TARBP1: variants seen among roughly 807,000 people sequenced by gnomAD.
TARBP1 encodes the protein tRNA guanosine 2 -O-methyltransferase TARBP1, also known as tRNA (guanosine(18)-2'-O)-methyltransferase TARBP1.
In TARBP1, 144 loss-of-function variants were observed where a neutral mutation model predicts 178.6. That is an observed-to-expected ratio of 0.81 (90% CI 0.70 to 0.93). The LOEUF (loss-of-function observed/expected upper bound fraction) is 0.93. Ranked by LOEUF, TARBP1 falls within the 40% of genes least tolerant of loss-of-function variation. The pLI, the probability that TARBP1 is intolerant of heterozygous loss-of-function variation, is 0.00. For synonymous variants in TARBP1, 787 were observed against 781.0 expected, an observed-to-expected ratio of 1.01 and a Z score of -0.13; for missense variants, 2,067 against 2,011.7, an observed-to-expected ratio of 1.03 and a Z score of -0.53.
At position 234,430,103 on chromosome 1, in the gene TARBP1, G is replaced by A; in HGVS notation, c.2593C>T (p.Pro865Ser). ...TCCCTGTACCTGCTGCACTCCAAGG[G>A]GTGAGCATAACTGCTCTGCTCCTCT... is the stretch of plus-strand genomic sequence containing the variant. ...HAEEQSSYAH[P>S]LECSSVLEES... The change falls in exon 15 of 30, where the codon CCC becomes TCC. Residue 865 changes from proline (P) to serine (S), a missense_variant. Physicochemically the swap from Pro to Ser is moderately conservative, Grantham distance 74 (BLOSUM62 -1). Coordinates refer to ENST00000040877, the MANE Select transcript of TARBP1 (RefSeq NM_005646.4). The A allele has an allele frequency of 6.2e-7, 1 of 1,612,938 alleles. No individual in the cohort carries two copies. Among genetic ancestry groups the A allele is most frequent in the Non-Finnish European group, 8.5e-7 (1 of 1,179,074 alleles).
At chr1:234,438,366 G>A (rs935257033) in intron 12 of TARBP1, among the ~76,000 whole-genome samples, 8 of 152,146 alleles carry the variant, frequency 5.3e-5, no homozygotes, top group African/African-American at 1.4e-4. Context: ...CATTAAAGCA[G>A]CTCTAATAAA....
intron 13 of TARBP1, among the ~76,000 whole-genome samples, chr1:234,434,604 G>A (rs932045610): frequency 6.6e-6 from 1 of 152,182 alleles, no homozygotes; most frequent in Non-Finnish European, 1.5e-5. Flanking sequence ...AGTCAGTTTT[G>A]AACAGTGTGA....
intron 28 of TARBP1, chr1:234,392,862 C>A (rs751792462): frequency 5.7e-6 from 1 of 175,096 alleles, no homozygotes; most frequent in African/African-American, 2.4e-5. Context: ...AGGCGCCCAC[C>A]ACCACGCCCG....
At chr1:234,439,619 A>G (rs1054835561) in intron 12 of TARBP1, among the ~76,000 whole-genome samples, 1 of 152,242 alleles carries the variant, frequency 6.6e-6, no homozygotes, top group African/African-American at 2.4e-5. Flanking sequence ...TGAGGTCAAG[A>G]GTTCGAGACT....
intron 19 of TARBP1, among the ~76,000 whole-genome samples, chr1:234,426,701 G>A (rs1663814609): frequency 6.6e-6 from 1 of 151,794 alleles, no homozygotes; most frequent in Non-Finnish European, 1.5e-5. Context: ...AATAAAACTT[G>A]AAAAAAAGCT....
At position 234,448,592 on chromosome 1, in the gene TARBP1, C is replaced by T. The variant is rs1204196538; in HGVS notation, c.1862-13G>A. On this transcript the variant is annotated splice_polypyrimidine_tract_variant and intron_variant, in intron 10 of 29. Coordinates refer to ENST00000040877, the MANE Select transcript of TARBP1 (RefSeq NM_005646.4). The stretch of plus-strand genomic sequence containing the variant: ...CAGTTTTCTCCTGCTTAAATAACAA[C>T]AGTTAAGGTTTGCAAAGCATTAACA... 14 of 1,609,320 alleles carry T rather than the reference C, an allele frequency of 8.7e-6. No individual in the cohort carries two copies. Among genetic ancestry groups the T allele is most frequent in the Non-Finnish European group, 1.2e-5 (14 of 1,176,384 alleles).
intron 20 of TARBP1, 43 bp from the exon 21 acceptor site, chr1:234,420,855 G>C: frequency 8.5e-7 from 1 of 1,180,466 alleles, no homozygotes; most frequent in Non-Finnish European, 1.2e-6. Context: ...ATTATCTATT[G>C]AATTTGTGAT....
At chr1:234,419,016 CA>C (rs1160060469) in intron 21 of TARBP1, among the ~76,000 whole-genome samples, 7 of 151,732 alleles carry the variant, frequency 4.6e-5, no homozygotes, top group Non-Finnish European at 1.0e-4. Flanking sequence ...ACTAAAAATA[CA>C]AAAAATTAGC....
At chr1:234,405,800 T>C in intron 24 of TARBP1, 103 bp downstream of exon 24, 1 of 1,109,404 alleles carries the variant, frequency 9.0e-7, no homozygotes, top group Non-Finnish European at 1.3e-6. Context: ...GACGGCAGCA[T>C]GAGGATGTGG....
chr1:234,444,207 C>CA (rs1665907386), intron 12 of TARBP1, among the ~76,000 whole-genome samples: 1 of 145,964 alleles, frequency 6.9e-6, no homozygotes, highest in Non-Finnish European at 1.5e-5. Flanking sequence ...ATTACTCCCA[C>CA]AAAAAAAGCG....
chr1:234,452,930 G>C (rs529515366), intron 9 of TARBP1, among the ~76,000 whole-genome samples: 1 of 152,180 alleles, frequency 6.6e-6, no homozygotes, highest in Admixed American at 6.5e-5. Flanking sequence ...GGAACCTTAA[G>C]TGCATATTAC....
intron 20 of TARBP1, among the ~76,000 whole-genome samples, 153 bp downstream of exon 20, chr1:234,425,520 C>G (rs1663639581): frequency 6.6e-6 from 1 of 152,112 alleles, no homozygotes; most frequent in Non-Finnish European, 1.5e-5. Context: ...GTGTGACCAG[C>G]CCTAATCAAG....
In TARBP1 at chr1:234,392,459, G is replaced by A. The variant is rs536448541; in HGVS notation, c.4654C>T (p.Leu1552=). 9.7e-5 allele frequency: 156 copies of A among 1,614,150 alleles called. No homozygotes were observed. In the South Asian group the frequency reaches 1.6e-3, roughly 16 times the overall value. ...TTCTCAGGAAAGCAATATTGGGTTA[G>A]GTCTAAACTTTTGGCAGTTTGTTCC... ...GVEQTAKSLD[L]TQYCFPEKSL... Residue 1552 remains leucine (L), a synonymous_variant, in exon 29 of 30, where the codon CTA becomes TTA. Transcript: ENST00000040877.
At chr1:234,436,547 T>C (rs1480700629) in intron 13 of TARBP1, among the ~76,000 whole-genome samples, 1 of 152,208 alleles carries the variant, frequency 6.6e-6, no homozygotes, top group Non-Finnish European at 1.5e-5. Context: ...TTCAGTTGAA[T>C]ACTTGTATTT....
intron 9 of TARBP1, among the ~76,000 whole-genome samples, chr1:234,453,329 G>GGTT (rs1553298138): frequency 1.1e-3 from 102 of 89,994 alleles, no homozygotes; most frequent in Middle Eastern, 0.011. Flanking sequence ...TTTTTTGTGT[G>GGTT]TTTTTTTTTT....
Position 234,429,523 on chromosome 1 carries a change from C to A in TARBP1, c.2764G>T (p.Val922Phe), listed in dbSNP as rs563481719. The A allele has an allele frequency of 2.5e-6, 4 of 1,614,094 alleles. No individual in the cohort carries two copies. The South Asian group carries it at 4.4e-5, about 18-fold the overall frequency. The change falls in exon 16 of 30, where the codon GTT becomes TTT. Residue 922 changes from valine (V) to phenylalanine (F), a missense_variant. Val to Phe is a conservative substitution (Grantham distance 50, BLOSUM62 -1). Transcript: ENST00000040877. ...TGCAAAGTCCTTATTGGCATCTGAA[C>A]GGCAGGTAGAAACGGTTCCAGAATT... ...SEILEPFLPA[V>F]QMPIRTLQSA...
intron 12 of TARBP1, among the ~76,000 whole-genome samples, chr1:234,441,833 C>T (rs545415965): frequency 6.6e-6 from 1 of 152,276 alleles, no homozygotes; most frequent in East Asian, 1.9e-4. Flanking sequence ...TCACCTTTCC[C>T]TTAAGATAAT....
rs760701350 is a variant in TARBP1 at position 234,393,671 on chromosome 1, G to T, written c.4410C>A (p.Leu1470=). The T allele has an allele frequency of 6.2e-7, 1 of 1,612,630 alleles. No homozygotes were observed. Residue 1470 remains leucine (L), a synonymous_variant, in exon 27 of 30, where the codon CTC becomes CTA. Coordinates refer to ENST00000040877, the MANE Select transcript of TARBP1 (RefSeq NM_005646.4). ...SISRLIVVAS[L]IDKPTNLGGL... is the part of the protein sequence containing the mutation. ...CTCCTAAATTGGTCGGTTTGTCGAT[G>T]AGCGAGGCCACAACGATGAGTCTAC...
At chr1:234,465,819 T>C (rs2103281363) in intron 4 of TARBP1, 111 bp from the exon 5 acceptor site, 1 of 946,340 alleles carries the variant, frequency 1.1e-6, no homozygotes, top group East Asian at 2.9e-5. Flanking sequence ...AGACCTGCTA[T>C]AAGCAAAGCT....
Sources: gnomAD v4.1 joint callset for allele counts (sites outside exome capture counted in the v4.1 genomes callset) on GRCh38, gnomAD v4.1.1 for gene constraint, MANE v1.5 for transcripts, NCBI Gene and HGNC (gene_info 2026-07-23, HGNC 2026-07-21) for gene names.